The following ZNF454 variants were observed in gnomAD, a reference collection of about 807,000 sequenced individuals.
ZNF454 encodes zinc finger protein 454.
Under a neutral mutation model 48.2 loss-of-function variants are expected in ZNF454, and 30 were observed. The ratio of observed to expected loss-of-function variants is 0.62; its 90% CI spans 0.47 to 0.84. The LOEUF (loss-of-function observed/expected upper bound fraction) is 0.84, where lower values mean the gene tolerates loss of function less well. ZNF454 is among the 40% of genes least tolerant of loss of function. The pLI, the probability that ZNF454 is intolerant of heterozygous loss-of-function variation, is 0.00. For synonymous variants in ZNF454, 204 were observed against 211.4 expected (o/e 0.97, Z 0.30); for missense variants, 510 against 623.1 (o/e 0.82, Z 1.93).
the ZNF454 span, chr5:178,989,771 G>A: frequency 2.8e-6 from 1 of 362,312 alleles, no homozygotes. Context: ...GATGTAATGG[G>A]TGGAGCCTCA....
chr5:178,968,993 A>G (rs1760203496), downstream of ZNF454: 1 of 396,138 alleles, frequency 2.5e-6, no homozygotes, highest in African/African-American at 2.1e-5. Flanking sequence ...TTTTCATGAA[A>G]TCAGTCCTCC....
chr5:178,971,363 G>A (rs1170546845), downstream of ZNF454, among the ~76,000 whole-genome samples: 1 of 152,168 alleles, frequency 6.6e-6, no homozygotes, highest in Non-Finnish European at 1.5e-5. Context: ...AGACTGGCTA[G>A]TTTGTGTCAT....
intron 4 of ZNF454, 131 bp downstream of exon 4, chr5:178,947,117 C>G: frequency 1.4e-6 from 1 of 724,220 alleles, no homozygotes; most frequent in Non-Finnish European, 2.4e-6. Flanking sequence ...CATTCGTTCA[C>G]CTGAATACCT....
At chr5:178,967,235 A>G (rs549545645), downstream of ZNF454, among the ~76,000 whole-genome samples, 2 of 152,154 alleles carry the variant, frequency 1.3e-5, no homozygotes, top group South Asian at 4.1e-4. Flanking sequence ...GATCCCACCC[A>G]CTTACGTTGT....
intron 4 of ZNF454, among the ~76,000 whole-genome samples, chr5:178,950,663 T>C (rs1759519590): frequency 6.6e-6 from 1 of 152,244 alleles, no homozygotes. Flanking sequence ...TATTAATCTG[T>C]TGAGGTTTAT....
At position 178,946,268 on chromosome 5, in the gene ZNF454, C is replaced by T. The variant is rs936994001; in HGVS notation, c.34-91C>T. On this transcript the variant is annotated intron_variant, in intron 2 of 4. Transcript: ENST00000519564. The surrounding 1 kb of genome is among the most constrained non-coding windows in gnomAD (Gnocchi z 4.5). ...CTGTGTGCCAGCAGTCCTGTAAATGCGCACAAGCTCCTAGGGGCTGCCAGT... is the reference window on the plus strand; with the variant it reads ...CTGTGTGCCAGCAGTCCTGTAAATGTGCACAAGCTCCTAGGGGCTGCCAGT... 7.7e-6 allele frequency: 12 copies of T among 1,550,426 alleles called. No homozygotes were observed. The Admixed American group carries it at 1.3e-4, about 16-fold the overall frequency.
At position 178,964,717 on chromosome 5, in the gene ZNF454, T is replaced by G; in HGVS notation, c.313T>G (p.Leu105Val). The stretch of plus-strand genomic sequence containing the variant: ...CAAGGCAGAGATTCCTGAAGAAGAA[T>G]TGGATCAATGGACAATAAAGGAAAG... ...TVKAEIPEEE[L>V]DQWTIKERFS... Residue 105 changes from leucine to valine, a missense_variant, in exon 5 of 5, where the codon TTG (leucine) becomes GTG (valine). Around this residue, in one of 3 missense-constraint regions of ZNF454, gnomAD observed 354 missense variants for 408.9 expected, o/e 0.87. Transcript: ENST00000519564. 2 of 1,614,192 alleles carry G rather than the reference T, an allele frequency of 1.2e-6. No individual in the cohort carries two copies. Among genetic ancestry groups the G allele is most frequent in the Non-Finnish European group, 1.7e-6 (2 of 1,180,042 alleles).
intron 4 of ZNF454, among the ~76,000 whole-genome samples, chr5:178,957,947 T>G (rs113186540): frequency 0.019 from 2,847 of 152,308 alleles, 98 homozygotes; most frequent in African/African-American, 0.064. Flanking sequence ...AGTCATGTAT[T>G]CTCTTATACA....
intron 4 of ZNF454, among the ~76,000 whole-genome samples, chr5:178,951,449 C>T (rs1759554235): frequency 1.3e-5 from 2 of 152,194 alleles, no homozygotes; most frequent in African/African-American, 4.8e-5. Flanking sequence ...TTTATACCAG[C>T]ATCTCCTGTG....
chr5:178,941,549 T>A lies in ZNF454; in HGVS notation c.-108+105T>A. On this transcript the variant is annotated intron_variant, in intron 1 of 4. Transcript: ENST00000519564. This position sits in a 1 kb window ranked among gnomAD's most constrained non-coding sequence, Gnocchi z 5.5. ...CTGTGGAGGAGATGGAGCCAGGGCC[T>A]CTGGCATGTGTCTTGGAGCGGACTC... 1 of 455,228 alleles carries A rather than the reference T, an allele frequency of 2.2e-6. No individual in the cohort carries two copies. The highest frequency in any genetic ancestry group is 4.4e-6 in the Non-Finnish European group (1 of 226,104). The allele number at this position is 455,228 out of a possible 1,614,324, so 28.2% of individuals were successfully genotyped here.
chr5:178,942,723 G>A lies in ZNF454; in HGVS notation c.-69G>A. Reference sequence around the variant, plus strand: ...CCTTCTAGCCTGAGGAGTCCTGCAGGTGTGAAGCTCCACACCTGCCTCCAT... The same window carrying A: ...CCTTCTAGCCTGAGGAGTCCTGCAGATGTGAAGCTCCACACCTGCCTCCAT... On this transcript the variant is annotated 5_prime_UTR_variant, in exon 2 of 5. In the 5' UTR this introduces an upstream ATG that the reference lacks. Coordinates refer to ENST00000519564, the MANE Select transcript of ZNF454 (RefSeq NM_001178089.3). 1 of 1,579,378 alleles carries A rather than the reference G, an allele frequency of 6.3e-7. No individual in the cohort carries two copies. Among genetic ancestry groups the A allele is most frequent in the African/African-American group, 1.3e-5 (1 of 74,308 alleles).
chr5:178,985,914 A>C, the ZNF454 span: 1 of 588,838 alleles, frequency 1.7e-6, no homozygotes, highest in Non-Finnish European at 3.0e-6. Context: ...GGCACGCACC[A>C]CCATGCCTGG....
Position 178,964,978 on chromosome 5 carries a change from A to G in ZNF454, c.574A>G (p.Thr192Ala). 1 of 1,614,166 alleles carries G rather than the reference A, an allele frequency of 6.2e-7. No homozygotes were observed. Among genetic ancestry groups the G allele is most frequent in the South Asian group, 1.1e-5 (1 of 91,080 alleles). ...TGGAAAAGTCTTCTCTAAGAGTTCA[A>G]CTCTTAATAAACATCAGAAAATTCA... ...ECGKVFSKSSTLNKHQKIHNE... is the reference protein window; with the variant it reads ...ECGKVFSKSSALNKHQKIHNE... Residue 192 changes from threonine to alanine, a missense_variant, in exon 5 of 5, where the codon ACT becomes GCT. Transcript: ENST00000519564.
At chr5:178,956,118 CTATTT>C (rs1561701681) in intron 4 of ZNF454, among the ~76,000 whole-genome samples, 1 of 152,178 alleles carries the variant, frequency 6.6e-6, no homozygotes, top group Non-Finnish European at 1.5e-5. Context: ...AAAAGGAACT[CTATTT>C]TGTTTTTGAA....
the ZNF454 span, chr5:178,989,343 C>T: frequency 3.5e-5 from 57 of 1,613,820 alleles, no homozygotes; most frequent in South Asian, 1.6e-4. Flanking sequence ...TCCCAGAACT[C>T]GGCGAACCAG....
chr5:178,956,681 T>A (rs1195896916), intron 4 of ZNF454, among the ~76,000 whole-genome samples: 3 of 102,660 alleles, frequency 2.9e-5, no homozygotes, highest in Non-Finnish European at 6.7e-5. Context: ...TTTAATTTAT[T>A]TATTTATTTA....
At chr5:178,987,527 G>A in the ZNF454 span, 20 of 445,178 alleles carry the variant, frequency 4.5e-5, no homozygotes, top group Non-Finnish European at 8.6e-5. Flanking sequence ...TGGACCTGGA[G>A]GACATGATGC....
At chr5:178,975,576 C>T in the ZNF454 span, 3 of 269,988 alleles carry the variant, frequency 1.1e-5, no homozygotes, top group Admixed American at 4.5e-5. Context: ...TTTTGTTCAT[C>T]AGACCATCTA....
At chr5:178,972,928 C>T in the ZNF454 span, among the ~76,000 whole-genome samples, 7 of 151,882 alleles carry the variant, frequency 4.6e-5, no homozygotes, top group African/African-American at 1.7e-4. Flanking sequence ...TTCTCTCTAA[C>T]TTCAGGCATC....
Sources: gnomAD v4.1 joint callset for allele counts (sites outside exome capture counted in the v4.1 genomes callset) on GRCh38, gnomAD v4.1.1 for gene constraint, gnomAD v4.1.1 regional missense constraint, Gnocchi (gnomAD v3.1) non-coding constraint, MANE v1.5 for transcripts, NCBI Gene and HGNC (gene_info 2026-07-23, HGNC 2026-07-21) for gene names.